Variants in SPAG1 observed in about 807,000 individuals in gnomAD.
The protein encoded by SPAG1 is sperm-associated antigen 1.
A neutral mutation model predicts 100.5 loss-of-function variants in SPAG1; 69 were observed. The ratio of observed to expected loss-of-function variants is 0.69; its 90% CI spans 0.57 to 0.84. SPAG1 has a LOEUF of 0.84. SPAG1 is among the 40% of genes least tolerant of loss of function. The pLI is 0.00. For synonymous variants in SPAG1, 336 were observed against 411.6 expected (o/e 0.82, Z 2.22); for missense variants, 955 against 1,133.1 (o/e 0.84, Z 2.26).
intron 10 of SPAG1, among the ~76,000 whole-genome samples, chr8:100,208,533 T>G (rs1817598342): frequency 6.6e-6 from 1 of 152,096 alleles, no homozygotes; most frequent in Non-Finnish European, 1.5e-5. Context: ...AAAGGGAATA[T>G]AGAATGGGTA....
intron 7 of SPAG1, among the ~76,000 whole-genome samples, chr8:100,186,259 C>T (rs191939863): frequency 6.6e-6 from 1 of 151,850 alleles, no homozygotes; most frequent in African/African-American, 2.4e-5. Context: ...TTTGTAGAGA[C>T]AGGCTCTCAT....
At chr8:100,192,137 T>G (rs1239254534) in intron 9 of SPAG1, among the ~76,000 whole-genome samples, 1 of 152,060 alleles carries the variant, frequency 6.6e-6, no homozygotes, top group Non-Finnish European at 1.5e-5. Flanking sequence ...TGTTGCACAC[T>G]CAATGGATTT....
At chr8:100,235,684 A>G (rs1459850803) in intron 16 of SPAG1, among the ~76,000 whole-genome samples, 2 of 152,186 alleles carry the variant, frequency 1.3e-5, no homozygotes, top group Non-Finnish European at 2.9e-5. Context: ...ACCCAGGTGC[A>G]CTGAATGGCC....
intron 13 of SPAG1, among the ~76,000 whole-genome samples, chr8:100,221,677 T>G (rs1289417557): frequency 6.6e-6 from 1 of 152,138 alleles, no homozygotes; most frequent in African/African-American, 2.4e-5. Flanking sequence ...ATCTCCAGGC[T>G]CGGGGAAGGG....
intron 12 of SPAG1, among the ~76,000 whole-genome samples, chr8:100,216,984 TG>T (rs1818024689): frequency 7.2e-6 from 1 of 138,330 alleles, no homozygotes; most frequent in Non-Finnish European, 1.5e-5. Context: ...TCCCCGAGGC[TG>T]GAGTGCAGTG....
chr8:100,164,344 T>G (rs1815449181), intron 2 of SPAG1, among the ~76,000 whole-genome samples: 1 of 152,258 alleles, frequency 6.6e-6, no homozygotes, highest in African/African-American at 2.4e-5. Flanking sequence ...GATTAAAATT[T>G]TGTTTCTTTG....
intron 3 of SPAG1, among the ~76,000 whole-genome samples, chr8:100,174,311 G>A (rs1586405078): frequency 1.3e-5 from 2 of 152,174 alleles, no homozygotes; most frequent in Non-Finnish European, 2.9e-5. Context: ...ATAAGGAAGA[G>A]AATATATATT....
chr8:100,228,850 C>A (rs1818635380), intron 14 of SPAG1, among the ~76,000 whole-genome samples: 1 of 151,626 alleles, frequency 6.6e-6, no homozygotes, highest in African/African-American at 2.4e-5. Context: ...AAACTTATTA[C>A]CTAGGTTTAA....
chr8:100,216,165 C>CT, intron 12 of SPAG1, among the ~76,000 whole-genome samples: 1 of 152,144 alleles, frequency 6.6e-6, no homozygotes, highest in Non-Finnish European at 1.5e-5. Context: ...TTGTTAAGGG[C>CT]TTTTACCAGT....
chr8:100,165,263 G>A (rs1815497785), intron 2 of SPAG1: 4 of 524,190 alleles, frequency 7.6e-6, no homozygotes. Context: ...TCGCAGTTCT[G>A]AACCATGTTT....
intron 4 of SPAG1, among the ~76,000 whole-genome samples, chr8:100,180,055 C>T (rs1229918970): frequency 2.0e-5 from 3 of 151,970 alleles, no homozygotes; most frequent in African/African-American, 4.8e-5. Flanking sequence ...CAGGCACAGG[C>T]GGGCAGTGGC....
In SPAG1 at chr8:100,176,078, T is replaced by C. The variant is rs536157129; in HGVS notation, c.301-1738T>C. Among the ~76,000 whole-genome samples, 21 of 152,338 alleles carry C rather than the reference T, an allele frequency of 1.4e-4. 1 individual carries two copies. Among genetic ancestry groups the C allele is most frequent in the African/African-American group, 4.6e-4 (19 of 41,574 alleles). The stretch of plus-strand genomic sequence containing the variant: ...TTTCCCCAAGAATACAGCACTTTTG[T>C]CTGCATTAAAAACCTGCTCAGACAG... On this transcript the variant is annotated intron_variant, in intron 3 of 18. Transcript: ENST00000388798.
intron 4 of SPAG1, among the ~76,000 whole-genome samples, chr8:100,178,443 A>G (rs1470680225): frequency 1.3e-5 from 2 of 151,546 alleles, no homozygotes; most frequent in Admixed American, 1.3e-4. Context: ...GTTGGTCCCT[A>G]TTTTGTCACA....
chr8:100,165,938 G>C lies in SPAG1; in HGVS notation c.265G>C (p.Ala89Pro), dbSNP rs1485473958. 6.2e-7 allele frequency: 1 copy of C among 1,613,854 alleles called. No individual in the cohort carries two copies. The highest frequency in any genetic ancestry group is 8.5e-7 in the Non-Finnish European group (1 of 1,179,990). The change falls in exon 3 of 19, where the codon GCT becomes CCT. Residue 89 changes from alanine (A) to proline (P), a missense_variant. Transcript: ENST00000388798. ...AGCAGCAACAGCAGCCAGTTTTACAGCTGAAGAATGGGAAAAAATTGATGG... is the reference window on the plus strand; with the variant it reads ...AGCAGCAACAGCAGCCAGTTTTACACCTGAAGAATGGGAAAAAATTGATGG... ...KPAATAASFT[A>P]EEWEKIDGDI...
At chr8:100,224,791 C>T (rs1312626989) in intron 13 of SPAG1, among the ~76,000 whole-genome samples, 1 of 152,054 alleles carries the variant, frequency 6.6e-6, no homozygotes, top group Non-Finnish European at 1.5e-5. Context: ...TGATCATTCT[C>T]AAGAGTAATA....
chr8:100,166,209 A>C (rs1315248957), intron 3 of SPAG1, among the ~76,000 whole-genome samples: 1 of 152,084 alleles, frequency 6.6e-6, no homozygotes, highest in East Asian at 1.9e-4. Context: ...AAAACCTATA[A>C]TTTAATCATC....
At chr8:100,193,975 A>T in intron 9 of SPAG1, 137 bp from the exon 10 acceptor site, 1 of 661,622 alleles carries the variant, frequency 1.5e-6, no homozygotes, top group Non-Finnish European at 2.3e-6. Context: ...ATCTATGATT[A>T]CAATCAAAGG....
At chr8:100,193,919 T>G (rs1467874734) in intron 9 of SPAG1, among the ~76,000 whole-genome samples, 193 bp from the exon 10 acceptor site, 4 of 152,178 alleles carry the variant, frequency 2.6e-5, no homozygotes, top group Admixed American at 2.6e-4. Flanking sequence ...TTTTTATACT[T>G]GTTACACCGC....
At position 100,191,466 on chromosome 8, in the gene SPAG1, A is replaced by G. The variant is rs775025157; in HGVS notation, c.909A>G (p.Leu303=). ...CTACAGAAGATTTGAGTAAAGTACT[A>G]GATGTTGAGCCTGATAATGATTTGG... ...REATEDLSKV[L]DVEPDNDLAK... Residue 303 remains leucine (L), a synonymous_variant, in exon 9 of 19, where the codon CTA becomes CTG. Transcript: ENST00000388798. The G allele has an allele frequency of 2.5e-6, 4 of 1,613,492 alleles. No individual in the cohort carries two copies. Among genetic ancestry groups the G allele is most frequent in the South Asian group, 1.1e-5 (1 of 91,066 alleles).
Sources: allele counts gnomAD v4.1 joint callset (sites outside exome capture counted in the v4.1 genomes callset), GRCh38; gene constraint gnomAD v4.1.1; transcripts MANE v1.5; gene names NCBI Gene and HGNC (gene_info 2026-07-23, HGNC 2026-07-21).